ELAPOR1: variants seen among roughly 807,000 people sequenced by gnomAD.
ELAPOR1 encodes the protein endosome-lysosome associated apoptosis and autophagy regulator 1, also known as endosome/lysosome-associated apoptosis and autophagy regulator 1.
A neutral mutation model predicts 119.7 loss-of-function variants in ELAPOR1; 77 were observed. The observed-to-expected ratio is 0.64, with a 90% CI of 0.54 to 0.78. The LOEUF is 0.78. Ranked by LOEUF, ELAPOR1 falls within the 30% of genes least tolerant of loss-of-function variation. ELAPOR1 has a pLI of 0.00. For missense variants in ELAPOR1, 1,115 were observed against 1,270.4 expected (o/e 0.88, Z 1.86); for synonymous variants, 481 against 487.2 (o/e 0.99, Z 0.17).
At chr1:109,180,129 A>G (rs1041088245) in intron 7 of ELAPOR1, among the ~76,000 whole-genome samples, 3 of 152,168 alleles carry the variant, frequency 2.0e-5, no homozygotes, top group Non-Finnish European at 4.4e-5. Flanking sequence ...GCCTGACTAA[A>G]AGCATCTTTC....
At chr1:109,160,815 T>C (rs530976115) in intron 1 of ELAPOR1, among the ~76,000 whole-genome samples, 1 of 152,224 alleles carries the variant, frequency 6.6e-6, no homozygotes, top group Non-Finnish European at 1.5e-5. Context: ...CTGTTGTTTA[T>C]TACCAGATTT....
chr1:109,114,549 G>C (rs1221088409), intron 1 of ELAPOR1, among the ~76,000 whole-genome samples: 2 of 152,160 alleles, frequency 1.3e-5, no homozygotes, highest in Non-Finnish European at 2.9e-5. Flanking sequence ...TCACAGATTG[G>C]GATGCTGAGC....
rs183559080 is a variant in ELAPOR1 at position 109,153,769 on chromosome 1, C to T, written c.154-8125C>T. Among the ~76,000 whole-genome samples the T allele has an allele frequency of 6.5e-3, 995 of 151,998 alleles. 7 individuals carry two copies. Among genetic ancestry groups the T allele is most frequent in the Admixed American group, 0.013 (202 of 15,244 alleles). On this transcript the variant is annotated intron_variant, in intron 1 of 21. Transcript: ENST00000369939. ...ATTCTCCTGTTTGGGATTACAGGTG[C>T]CTGCCACCATGCCAGGCTAATTTTT... is the stretch of plus-strand genomic sequence containing the variant.
intron 7 of ELAPOR1, among the ~76,000 whole-genome samples, chr1:109,175,751 C>T (rs574503122): frequency 8.1e-4 from 119 of 146,318 alleles, no homozygotes; most frequent in African/African-American, 2.9e-3. Context: ...CACTTGAACC[C>T]GGAAGGTGGA....
At chr1:109,146,969 A>G (rs952924507) in intron 1 of ELAPOR1, among the ~76,000 whole-genome samples, 5 of 151,892 alleles carry the variant, frequency 3.3e-5, no homozygotes, top group South Asian at 4.1e-4. Context: ...GTAGTGGCAC[A>G]AACTTGGCTC....
intron 1 of ELAPOR1, among the ~76,000 whole-genome samples, chr1:109,158,795 T>C (rs1651055006): frequency 6.6e-6 from 1 of 152,026 alleles, no homozygotes; most frequent in African/African-American, 2.4e-5. Context: ...GATCACTGAG[T>C]AAACTGTCAG....
chr1:109,118,434 T>C (rs548293285), intron 1 of ELAPOR1, among the ~76,000 whole-genome samples: 65 of 152,122 alleles, frequency 4.3e-4, no homozygotes, highest in Non-Finnish European at 1.5e-4. Context: ...CTAAGCAGAA[T>C]GGATTAGCAT....
intron 3 of ELAPOR1, among the ~76,000 whole-genome samples, chr1:109,166,551 T>G (rs1337554731): frequency 6.6e-6 from 1 of 152,200 alleles, no homozygotes; most frequent in East Asian, 1.9e-4. Context: ...TCTCTAATTC[T>G]CACAAGAACC....
chr1:109,130,443 A>G (rs1477177701), intron 1 of ELAPOR1, among the ~76,000 whole-genome samples: 3 of 152,066 alleles, frequency 2.0e-5, no homozygotes, highest in Non-Finnish European at 2.9e-5. Flanking sequence ...AACTAAAAAT[A>G]TATAGAGTCT....
Position 109,144,061 on chromosome 1 carries a change from A to ATTTTTTTTTTT in ELAPOR1, c.154-17828_154-17818dup, listed in dbSNP as rs71069655. On this transcript the variant is annotated intron_variant, in intron 1 of 21. Coordinates refer to ENST00000369939, the MANE Select transcript of ELAPOR1 (RefSeq NM_020775.5). ...TATATATATATATATATATTTATAT[A>ATTTTTTTTTTT]TTTTTTTTTTTTTTTGAGATGGAGT... Among the ~76,000 whole-genome samples, 454 of 88,958 alleles carry ATTTTTTTTTTT rather than the reference A, an allele frequency of 5.1e-3. 28 individuals are homozygous for ATTTTTTTTTTT. Among genetic ancestry groups the ATTTTTTTTTTT allele is most frequent in the Non-Finnish European group, 6.4e-3 (304 of 47,380 alleles). The allele number at this position is 88,958 out of a possible 152,430, so 58.4% of individuals were successfully genotyped here. A position where few individuals can be genotyped will look rare whatever the true frequency, so the allele number is the denominator to read the frequency against.
intron 1 of ELAPOR1, among the ~76,000 whole-genome samples, chr1:109,137,356 A>G (rs1018766695): frequency 2.0e-5 from 3 of 150,028 alleles, no homozygotes; most frequent in Non-Finnish European, 4.4e-5. Flanking sequence ...GGCATGCACC[A>G]TGACGCCCAG....
intron 1 of ELAPOR1, among the ~76,000 whole-genome samples, chr1:109,131,572 G>C (rs1570613590): frequency 1.3e-5 from 2 of 152,286 alleles, no homozygotes; most frequent in Admixed American, 1.3e-4. Context: ...TGTACTTGAA[G>C]CTGGGAATTT....
chr1:109,189,291 A>C, intron 10 of ELAPOR1, 97 bp downstream of exon 10: 1 of 1,440,910 alleles, frequency 6.9e-7, no homozygotes, highest in Non-Finnish European at 9.4e-7. Flanking sequence ...TCTGAGAAAA[A>C]TAAGCTAACC....
intron 7 of ELAPOR1, among the ~76,000 whole-genome samples, chr1:109,177,727 A>T (rs1652436829): frequency 6.6e-6 from 1 of 151,892 alleles, no homozygotes; most frequent in South Asian, 2.1e-4. Flanking sequence ...TGCATTTTTT[A>T]TTCCTCTTCC....
intron 1 of ELAPOR1, among the ~76,000 whole-genome samples, chr1:109,119,174 G>A (rs1191706809): frequency 6.6e-6 from 1 of 151,678 alleles, no homozygotes. Context: ...TGGCATTACA[G>A]GAGTGAGCCA....
At chr1:109,199,798 G>A in intron 18 of ELAPOR1, 56 bp from the exon 19 acceptor site, 2 of 1,594,550 alleles carry the variant, frequency 1.3e-6, no homozygotes, top group Non-Finnish European at 8.5e-7. Context: ...CTTCCAACCA[G>A]ATCTTCCCCA....
At chr1:109,195,065 G>T (rs1291189803) in intron 15 of ELAPOR1, among the ~76,000 whole-genome samples, 2 of 151,930 alleles carry the variant, frequency 1.3e-5, no homozygotes, top group Non-Finnish European at 1.5e-5. Context: ...AGCTGAGATT[G>T]CGCCATTGCA....
chr1:109,119,813 C>T lies in ELAPOR1; in HGVS notation c.153+5477C>T, dbSNP rs925799753. Among the ~76,000 whole-genome samples the T allele has an allele frequency of 7.2e-5, 11 of 152,212 alleles. No homozygotes were observed. The Middle Eastern group carries it at 0.02, about 282-fold the overall frequency. The stretch of plus-strand genomic sequence containing the variant: ...ACCTGTCTTCTGGTGTGCAGGTACA[C>T]GTTTCTTGAAGGTATAAGCCTAGGA... On this transcript the variant is annotated intron_variant, in intron 1 of 21. Coordinates refer to ENST00000369939, the MANE Select transcript of ELAPOR1 (RefSeq NM_020775.5).
chr1:109,189,581 T>C lies in ELAPOR1; in HGVS notation c.1349-11T>C. On this transcript the variant is annotated splice_polypyrimidine_tract_variant and intron_variant, in intron 10 of 21. Coordinates refer to ENST00000369939, the MANE Select transcript of ELAPOR1 (RefSeq NM_020775.5). ...GAGCACAAGGCATTAACTCTCCTCT[T>C]TCCTTTTCAGGCTGGGAGGTGGCTG... The C allele has an allele frequency of 6.2e-7, 1 of 1,613,158 alleles. No individual in the cohort carries two copies. Among genetic ancestry groups the C allele is most frequent in the Non-Finnish European group, 8.5e-7 (1 of 1,179,284 alleles).
Sources: allele counts gnomAD v4.1 joint callset (sites outside exome capture counted in the v4.1 genomes callset), GRCh38; gene constraint gnomAD v4.1.1; transcripts MANE v1.5; gene names NCBI Gene and HGNC (gene_info 2026-07-23, HGNC 2026-07-21).